The following FOSL2 variants were observed in gnomAD, a reference collection of about 807,000 sequenced individuals.
FOSL2 encodes the protein fos-related antigen 2.
A neutral mutation model predicts 27.7 loss-of-function variants in FOSL2; 3 were observed. The observed-to-expected ratio is 0.11, with a 90% CI of 0.05 to 0.28. The LOEUF (loss-of-function observed/expected upper bound fraction) is 0.28, where lower values mean the gene tolerates loss of function less well. Ranked by LOEUF, FOSL2 falls within the 10% of genes least tolerant of loss-of-function variation. FOSL2 has a pLI of 1.00. For missense variants in FOSL2, 333 were observed against 445.1 expected, an observed-to-expected ratio of 0.75 and a Z score of 2.27; for synonymous variants, 179 against 190.1, an observed-to-expected ratio of 0.94 and a Z score of 0.48.
rs368281922 is a variant in FOSL2, at chr2:28,401,273, C to G, written c.103-2834C>G. ...AAAAAAGCTTATCAGAGCCCTGCCC[C>G]AAACCAATTATTTTAGAGGTCTAAT... On this transcript the variant is annotated intron_variant, in intron 1 of 3. Coordinates refer to ENST00000264716, the MANE Select transcript of FOSL2 (RefSeq NM_005253.4). Among the ~76,000 whole-genome samples the G allele has an allele frequency of 3.3e-5, 5 of 151,980 alleles. No homozygotes were observed. In the South Asian group the frequency reaches 6.3e-4, roughly 19 times the overall value.
At chr2:28,395,425 T>G (rs1212848058) in intron 1 of FOSL2, 1 of 152,204 alleles carries the variant, frequency 6.6e-6, no homozygotes, top group African/African-American at 2.4e-5. Flanking sequence ...ACTGCCTGGT[T>G]TAGCATAGAC....
chr2:28,394,792 A>C (rs1400035993), intron 1 of FOSL2: 1 of 152,178 alleles, frequency 6.6e-6, no homozygotes, highest in Non-Finnish European at 1.5e-5. Context: ...GTCTCGAGAG[A>C]GAGCTGGGTT....
At chr2:28,402,388 G>T (rs894336947) in intron 1 of FOSL2, among the ~76,000 whole-genome samples, 1 of 152,264 alleles carries the variant, frequency 6.6e-6, no homozygotes, top group African/African-American at 2.4e-5. Flanking sequence ...GCAGACTAGG[G>T]TCAGGCAGAT....
chr2:28,407,219 G>C (rs1664103234), intron 2 of FOSL2, among the ~76,000 whole-genome samples: 1 of 152,224 alleles, frequency 6.6e-6, no homozygotes, highest in Admixed American at 6.5e-5. Context: ...GGGAGCCCTG[G>C]TGGCCCTTTC....
At chr2:28,400,760 G>A (rs891508410) in intron 1 of FOSL2, among the ~76,000 whole-genome samples, 1 of 152,152 alleles carries the variant, frequency 6.6e-6, no homozygotes, top group Non-Finnish European at 1.5e-5. Context: ...GATGTATACC[G>A]GGGAGCACAC....
At position 28,394,137 on chromosome 2, in the gene FOSL2, G is replaced by GC. The variant is rs55662920; in HGVS notation, c.102+328dup. On this transcript the variant is annotated intron_variant, in intron 1 of 3. Transcript: ENST00000264716. The stretch of plus-strand genomic sequence containing the variant: ...GAACTACTCCCCCTCCCCAGTGTCT[G>GC]CCCCCCCCCCCCCACCCCTGCCCCG... Among the ~76,000 whole-genome samples, 72 of 80,886 alleles carry GC rather than the reference G, an allele frequency of 8.9e-4. 1 individual carries two copies. Among genetic ancestry groups the GC allele is most frequent in the African/African-American group, 2.2e-3 (45 of 20,402 alleles). 53.1% of individuals were successfully genotyped at this position (80,886 alleles called of 152,430 possible).
intron 2 of FOSL2, among the ~76,000 whole-genome samples, chr2:28,406,389 C>T (rs1027957501): frequency 6.6e-5 from 10 of 152,220 alleles, no homozygotes; most frequent in East Asian, 1.9e-4. Context: ...CTGGGCCTAC[C>T]TCACACCAAA....
chr2:28,409,453 G>T (rs1268164765), intron 3 of FOSL2, among the ~76,000 whole-genome samples: 1 of 152,190 alleles, frequency 6.6e-6, no homozygotes, highest in Non-Finnish European at 1.5e-5. Flanking sequence ...ATGGTACCGC[G>T]TGCTGCTCTT....
Position 28,393,229 on chromosome 2 carries a change from A to C in FOSL2, c.-492A>C, listed in dbSNP as rs1663714267. ...GTTTATTCTCCGGCTCCTTTTCTAA[A>C]AGGAAGAAACAGAAGTTTCTCCCAG... is the stretch of plus-strand genomic sequence containing the variant. On this transcript the variant is annotated 5_prime_UTR_variant, in exon 1 of 4. Transcript: ENST00000264716. The surrounding 1 kb of genome is among the most constrained non-coding windows in gnomAD (Gnocchi z 4.6). 1 of 219,070 alleles carries C rather than the reference A, an allele frequency of 4.6e-6. No homozygotes were observed. Among genetic ancestry groups the C allele is most frequent in the Non-Finnish European group, 8.9e-6 (1 of 112,974 alleles). The allele number at this position is 219,070 out of a possible 1,614,324, so 13.6% of individuals were successfully genotyped here. A position where few individuals can be genotyped will look rare whatever the true frequency, so the allele number is the denominator to read the frequency against.
Position 28,393,688 on chromosome 2 carries a change from A to T in FOSL2, c.-33A>T. The stretch of plus-strand genomic sequence containing the variant: ...GCGGCGAGGGCGGGGGAAGAAAAAC[A>T]CCCTGTTTCCTCTCCGGCCCCCACC... On this transcript the variant is annotated 5_prime_UTR_variant, in exon 1 of 4. Transcript: ENST00000264716. This position sits in a 1 kb window ranked among gnomAD's most constrained non-coding sequence, Gnocchi z 4.6. The T allele has an allele frequency of 6.6e-7, 1 of 1,514,760 alleles. No homozygotes were observed. The highest frequency in any genetic ancestry group is 9.0e-7 in the Non-Finnish European group (1 of 1,107,236). 93.8% of individuals were successfully genotyped at this position (1,514,760 alleles called of 1,614,324 possible).
Position 28,404,135 on chromosome 2 carries a change from G to A in FOSL2, c.131G>A (p.Gly44Asp). Residue 44 changes from glycine to aspartate, a missense_variant, in exon 2 of 4, where the codon GGC (glycine) becomes GAC (aspartate). Gly to Asp is a moderately conservative substitution (Grantham distance 94, BLOSUM62 -1). Transcript: ENST00000264716. This position sits in a 1 kb window ranked among gnomAD's most constrained non-coding sequence, Gnocchi z 4.7. ...QKFRVDMPGSGSAFIPTINAI... is the reference protein window; with the variant it reads ...QKFRVDMPGSDSAFIPTINAI... ...TTCCGGGTAGATATGCCTGGCTCAG[G>A]CAGTGCATTCATCCCCACCATCAAC... 6.2e-7 allele frequency: 1 copy of A among 1,614,174 alleles called. No individual in the cohort carries two copies. The highest frequency in any genetic ancestry group is 1.1e-5 in the South Asian group (1 of 91,082).
At chr2:28,402,960 G>A (rs1664005433) in intron 1 of FOSL2, among the ~76,000 whole-genome samples, 1 of 152,230 alleles carries the variant, frequency 6.6e-6, no homozygotes, top group South Asian at 2.1e-4. Context: ...AAGCCATGGT[G>A]TCTGACATTT....
In FOSL2 at chr2:28,393,880, C is replaced by T. The variant is rs941439836; in HGVS notation, c.102+58C>T. 7.1e-5 allele frequency: 79 copies of T among 1,107,684 alleles called. No individual in the cohort carries two copies. The highest frequency in any genetic ancestry group is 1.0e-4 in the Non-Finnish European group (78 of 764,174). The allele number at this position is 1,107,684 out of a possible 1,614,324, so 68.6% of individuals were successfully genotyped here. A position where few individuals can be genotyped will look rare whatever the true frequency, so the allele number is the denominator to read the frequency against. On this transcript the variant is annotated intron_variant, in intron 1 of 3. Coordinates refer to ENST00000264716, the MANE Select transcript of FOSL2 (RefSeq NM_005253.4). The surrounding 1 kb of genome is among the most constrained non-coding windows in gnomAD (Gnocchi z 4.6). ...GGGCGGACCCCTGCCCTCTTCTCGC[C>T]GCCACTGCCTCTTTTGCTTTCTTTT...
At chr2:28,401,181 T>C (rs981123727) in intron 1 of FOSL2, among the ~76,000 whole-genome samples, 5 of 151,686 alleles carry the variant, frequency 3.3e-5, no homozygotes, top group African/African-American at 1.2e-4. Flanking sequence ...TGACCTTCCA[T>C]TGGTTTGGAG....
intron 1 of FOSL2, chr2:28,395,739 G>T (rs2148076292): frequency 6.6e-6 from 1 of 152,382 alleles, no homozygotes; most frequent in African/African-American, 2.4e-5. Flanking sequence ...CGGCCCGGCA[G>T]TGTGTGAGGC....
At position 28,408,647 on chromosome 2, in the gene FOSL2, C is replaced by A; in HGVS notation, c.355-112C>A. On this transcript the variant is annotated intron_variant, in intron 2 of 3. Coordinates refer to ENST00000264716, the MANE Select transcript of FOSL2 (RefSeq NM_005253.4). The surrounding 1 kb of genome is among the most constrained non-coding windows in gnomAD (Gnocchi z 4.1). ...AGCCATGCTCCTCTTGCCCTTCCTT[C>A]TCCTTTCTCCATTTCCAGAAGGGCT... 4.2e-6 allele frequency: 3 copies of A among 713,138 alleles called. No homozygotes were observed. Among genetic ancestry groups the A allele is most frequent in the Non-Finnish European group, 4.5e-6 (2 of 449,348 alleles). The allele number at this position is 713,138 out of a possible 1,614,324, so 44.2% of individuals were successfully genotyped here.
rs1664245354 is a variant in FOSL2 at position 28,413,346 on chromosome 2, T to C, written c.*898T>C. On this transcript the variant is annotated 3_prime_UTR_variant, in exon 4 of 4. Coordinates refer to ENST00000264716, the MANE Select transcript of FOSL2 (RefSeq NM_005253.4). Reference sequence around the variant, plus strand: ...AGGGCGTCTCCTGTAATTACTGCCTTGCCATTCTGCCCCTGGACCCTTCTC... The same window carrying C: ...AGGGCGTCTCCTGTAATTACTGCCTCGCCATTCTGCCCCTGGACCCTTCTC... The C allele has an allele frequency of 7.5e-6, 3 of 397,406 alleles. No homozygotes were observed. The highest frequency in any genetic ancestry group is 8.8e-5 in the Admixed American group (2 of 22,692). 24.6% of individuals were successfully genotyped at this position (397,406 alleles called of 1,614,324 possible). A position where few individuals can be genotyped will look rare whatever the true frequency, so the allele number is the denominator to read the frequency against.
At position 28,415,570 on chromosome 2, in the gene FOSL2, G is replaced by T. The variant is rs1435076830; in HGVS notation, c.*3122G>T. ...GTGGTTGAATTGTCTGGAGCACTGG[G>T]ACTTTTTTTCTCTTTTCCTTGATGG... On this transcript the variant is annotated 3_prime_UTR_variant, in exon 4 of 4. Transcript: ENST00000264716. The T allele has an allele frequency of 6.6e-6, 1 of 152,150 alleles. No homozygotes were observed. The highest frequency in any genetic ancestry group is 1.5e-5 in the Non-Finnish European group (1 of 68,030). The allele number at this position is 152,150 out of a possible 1,614,324, so 9.4% of individuals were successfully genotyped here.
chr2:28,410,020 C>A (rs1470993891), intron 3 of FOSL2, among the ~76,000 whole-genome samples: 1 of 152,216 alleles, frequency 6.6e-6, no homozygotes, highest in Non-Finnish European at 1.5e-5. Context: ...GGATTACAGG[C>A]GTGAGCCACC....
Sources: allele counts gnomAD v4.1 joint callset (sites outside exome capture counted in the v4.1 genomes callset), GRCh38; gene constraint gnomAD v4.1.1; non-coding constraint Gnocchi (gnomAD v3.1); transcripts MANE v1.5; gene names NCBI Gene and HGNC (gene_info 2026-07-23, HGNC 2026-07-21).